The following XIRP2 variants were observed in gnomAD, a reference collection of about 807,000 sequenced individuals.
The protein encoded by XIRP2 is xin actin-binding repeat-containing protein 2.
In XIRP2, 236 loss-of-function variants were observed where a neutral mutation model predicts 277.0. That is an observed-to-expected ratio of 0.85 (90% CI 0.77 to 0.95). The LOEUF (loss-of-function observed/expected upper bound fraction) is 0.95. Ranked by LOEUF, XIRP2 falls within the 40% of genes least tolerant of loss-of-function variation. XIRP2 has a pLI of 0.00. For missense variants in XIRP2, 4,640 were observed against 4,157.5 expected, an observed-to-expected ratio of 1.12 and a Z score of -3.19; for synonymous variants, 1,490 against 1,416.5, an observed-to-expected ratio of 1.05 and a Z score of -1.17.
chr2:167,138,527 G>C (rs1691620651), intron 3 of XIRP2, among the ~76,000 whole-genome samples: 1 of 152,152 alleles, frequency 6.6e-6, no homozygotes, highest in South Asian at 2.1e-4. Context: ...CTTATGTATT[G>C]GTGTCAAATA....
At chr2:167,122,132 G>A (rs1423808472) in intron 2 of XIRP2, among the ~76,000 whole-genome samples, 2 of 152,220 alleles carry the variant, frequency 1.3e-5, no homozygotes, top group African/African-American at 4.8e-5. Flanking sequence ...TAGGTAACAT[G>A]CCCACAATCC....
chr2:166,995,406 G>A (rs1293704675), intron 2 of XIRP2, among the ~76,000 whole-genome samples: 1 of 152,124 alleles, frequency 6.6e-6, no homozygotes, highest in African/African-American at 2.4e-5. Context: ...ATTACTGAAG[G>A]TTCCACGGAG....
At chr2:167,129,022 T>C (rs1412718759) in intron 2 of XIRP2, among the ~76,000 whole-genome samples, 12 of 152,104 alleles carry the variant, frequency 7.9e-5, no homozygotes, top group Admixed American at 3.3e-4. Context: ...AGGGAAGAAA[T>C]ATTTTTAATA....
In XIRP2 at chr2:167,005,514, G is replaced by T. The variant is rs115110825; in HGVS notation, c.408+101624G>T. Among the ~76,000 whole-genome samples, 1,030 of 151,860 alleles carry T rather than the reference G, an allele frequency of 6.8e-3. 12 individuals are homozygous for T. Among genetic ancestry groups the T allele is most frequent in the African/African-American group, 0.023 (968 of 41,480 alleles). ...GTTGAGAATTATTTAAAACAACTGA[G>T]AATTATTTAGAATAACTGAAAAACT... On this transcript the variant is annotated intron_variant, in intron 2 of 10. Coordinates refer to ENST00000409195, the MANE Select transcript of XIRP2 (RefSeq NM_152381.6).
chr2:167,034,588 G>A (rs1258008233), intron 2 of XIRP2, among the ~76,000 whole-genome samples: 1 of 151,680 alleles, frequency 6.6e-6, no homozygotes, highest in East Asian at 1.9e-4. Flanking sequence ...AAAATAAAGG[G>A]ATGGAAAATG....
rs530967865 is a variant in XIRP2 at position 167,052,846 on chromosome 2, T to C, written c.409-83063T>C. On this transcript the variant is annotated intron_variant, in intron 2 of 10. Transcript: ENST00000409195. ...CCTGATTACCAGCCATGAAAAAGTATTTGAGGGACTTAGTCTTCTTAAAAG... is the reference window on the plus strand; with the variant it reads ...CCTGATTACCAGCCATGAAAAAGTACTTGAGGGACTTAGTCTTCTTAAAAG... Among the ~76,000 whole-genome samples the C allele has an allele frequency of 2.0e-5, 3 of 152,316 alleles. No individual in the cohort carries two copies. In the South Asian group the frequency reaches 6.2e-4, roughly 32 times the overall value.
Position 167,245,024 on chromosome 2 carries a change from C to G in XIRP2, c.3632C>G (p.Ser1211Cys), listed in dbSNP as rs1279170199. ...RYKFENQSLD[S>C]ISSSSEEVLK... is the part of the protein sequence containing the mutation. ...AAATTTGAAAATCAGTCCTTAGATT[C>G]TATAAGTTCTAGTTCAGAGGAAGTT... is the stretch of plus-strand genomic sequence containing the variant. Residue 1211 changes from serine (S) to cysteine (C), a missense_variant, in exon 9 of 11, where the codon TCT becomes TGT. Transcript: ENST00000409195. 6.2e-7 allele frequency: 1 copy of G among 1,613,044 alleles called. No individual in the cohort carries two copies. Among genetic ancestry groups the G allele is most frequent in the Non-Finnish European group, 8.5e-7 (1 of 1,179,604 alleles).
At chr2:167,054,426 G>A (rs760388542) in intron 2 of XIRP2, among the ~76,000 whole-genome samples, 18 of 152,214 alleles carry the variant, frequency 1.2e-4, no homozygotes, top group Non-Finnish European at 2.6e-4. Flanking sequence ...GCTCACGCCT[G>A]TAATCCCAGC....
intron 2 of XIRP2, among the ~76,000 whole-genome samples, chr2:166,952,305 T>A (rs1351022128): frequency 2.0e-5 from 3 of 152,042 alleles, no homozygotes; most frequent in Non-Finnish European, 4.4e-5. Flanking sequence ...TTACCAAATG[T>A]CTTTTAAACT....
chr2:167,244,906 G>GA lies in XIRP2; in HGVS notation c.3518dup (p.Asn1173LysfsTer17). Reference sequence around the variant, plus strand: ...TACAGCATGTTTTCTTTTTGAGACAGAAAATTTGGACAGCATACAAGGAGA... The same window carrying GA: ...TACAGCATGTTTTCTTTTTGAGACAGAAAAATTTGGACAGCATACAAGGAGA... On this transcript the variant is annotated frameshift_variant, in exon 9 of 11. Coordinates refer to ENST00000409195, the MANE Select transcript of XIRP2 (RefSeq NM_152381.6). LOFTEE classifies it high-confidence loss of function. The GA allele has an allele frequency of 6.2e-7, 1 of 1,612,928 alleles. No individual in the cohort carries two copies. The highest frequency in any genetic ancestry group is 1.1e-5 in the South Asian group (1 of 90,856).
Position 167,239,844 on chromosome 2 carries a change from T to G in XIRP2, c.859-11T>G. ...TCTTAAGGCATTGTCTGTCTGTCTG[T>G]GTGCTTTCAGGAGGCAATTCATAGC... On this transcript the variant is annotated splice_polypyrimidine_tract_variant and intron_variant, in intron 5 of 10. Coordinates refer to ENST00000409195, the MANE Select transcript of XIRP2 (RefSeq NM_152381.6). 6.3e-7 allele frequency: 1 copy of G among 1,597,366 alleles called. No individual in the cohort carries two copies. The highest frequency in any genetic ancestry group is 8.5e-7 in the Non-Finnish European group (1 of 1,174,116).
intron 5 of XIRP2, among the ~76,000 whole-genome samples, chr2:167,222,525 G>A (rs1277850981): frequency 6.6e-6 from 1 of 152,156 alleles, no homozygotes; most frequent in Non-Finnish European, 1.5e-5. Context: ...CCCTCTTTAA[G>A]GGATTATAAG....
In XIRP2 at chr2:167,243,661, G is replaced by C; in HGVS notation, c.2269G>C (p.Val757Leu). ...GSGQMLEIKT[V>L]HREDVEKGDV... The stretch of plus-strand genomic sequence containing the variant: ...GGGCCAAATGCTGGAAATTAAAACT[G>C]TTCACAGAGAAGACGTTGAAAAGGG... The change falls in exon 9 of 11, where the codon GTT (valine) becomes CTT (leucine). Residue 757 changes from valine to leucine, a missense_variant. Val to Leu is a conservative substitution (Grantham distance 32, BLOSUM62 1). Transcript: ENST00000409195. The C allele has an allele frequency of 6.2e-7, 1 of 1,613,984 alleles. No individual in the cohort carries two copies. The highest frequency in any genetic ancestry group is 8.5e-7 in the Non-Finnish European group (1 of 1,179,956).
At chr2:167,105,002 T>A (rs1245982758) in intron 2 of XIRP2, among the ~76,000 whole-genome samples, 2 of 152,046 alleles carry the variant, frequency 1.3e-5, no homozygotes, top group Non-Finnish European at 2.9e-5. Flanking sequence ...GCTAATTTGA[T>A]ATATGAATTA....
At chr2:167,108,715 A>G (rs964144780) in intron 2 of XIRP2, among the ~76,000 whole-genome samples, 2 of 152,072 alleles carry the variant, frequency 1.3e-5, no homozygotes, top group East Asian at 1.9e-4. Flanking sequence ...CTTATCCAAC[A>G]CTATACTTAC....
chr2:167,087,676 C>T (rs150738544), intron 2 of XIRP2, among the ~76,000 whole-genome samples: 2,135 of 152,318 alleles, frequency 0.014, 58 homozygotes, highest in African/African-American at 0.049. Flanking sequence ...CGGAAAAGCG[C>T]AGTATTTGGG....
chr2:166,981,048 A>G (rs558530448), intron 2 of XIRP2, among the ~76,000 whole-genome samples: 35 of 152,086 alleles, frequency 2.3e-4, no homozygotes, highest in Middle Eastern at 3.4e-3. Context: ...CTGCCCTCCA[A>G]CTTGAACACT....
At chr2:166,892,223 C>T (rs1684122472) in intron 1 of XIRP2, among the ~76,000 whole-genome samples, 1 of 151,962 alleles carries the variant, frequency 6.6e-6, no homozygotes, top group African/African-American at 2.4e-5. Context: ...TTCTGATTAA[C>T]AAAAATATTT....
intron 2 of XIRP2, among the ~76,000 whole-genome samples, chr2:166,976,052 T>C (rs1686709886): frequency 6.6e-6 from 1 of 151,080 alleles, no homozygotes; most frequent in South Asian, 2.1e-4. Flanking sequence ...GCCTTGACTG[T>C]CCCAGATAGA....
Sources: allele counts gnomAD v4.1 joint callset (sites outside exome capture counted in the v4.1 genomes callset), GRCh38; gene constraint gnomAD v4.1.1; transcripts MANE v1.5; gene names NCBI Gene and HGNC (gene_info 2026-07-23, HGNC 2026-07-21).